PEAK1: variants seen among roughly 807,000 people sequenced by gnomAD.
PEAK1 encodes inactive tyrosine-protein kinase PEAK1.
A neutral mutation model predicts 124.7 loss-of-function variants in PEAK1; 54 were observed. The ratio of observed to expected loss-of-function variants is 0.43; its 90% CI spans 0.35 to 0.54. PEAK1 has a LOEUF of 0.54. Ranked by LOEUF, PEAK1 falls within the 20% of genes least tolerant of loss-of-function variation. The probability of loss-of-function intolerance (pLI) is 0.01; values close to 1 mark genes in which losing one functional copy is unlikely to be tolerated. For missense variants in PEAK1, 2,046 were observed against 2,134.5 expected (o/e 0.96, Z 0.82); for synonymous variants, 719 against 760.0 (o/e 0.95, Z 0.89).
chr15:77,129,735 C>A (rs1043888517), intron 9 of PEAK1, among the ~76,000 whole-genome samples: 1 of 152,074 alleles, frequency 6.6e-6, no homozygotes, highest in Admixed American at 6.6e-5. Flanking sequence ...CGTGAGCCAC[C>A]ACGCCCAGTC....
At chr15:77,278,802 C>T in intron 5 of PEAK1, 1 of 321,678 alleles carries the variant, frequency 3.1e-6, no homozygotes, top group South Asian at 3.0e-5. Flanking sequence ...CTATTTTTAT[C>T]AAGTTTTATA....
In PEAK1 at chr15:77,133,091, T is replaced by A; in HGVS notation, c.3991A>T (p.Ser1331Cys). The part of the protein sequence containing the change: ...VDSWSDFRLT[S>C]DKPCCEAGDA... ...CCTGCCTCACAACATGGTTTGTCACTGGTTAGCCTGAAGTCTGACCAGCTG... is the reference window on the plus strand; with the variant it reads ...CCTGCCTCACAACATGGTTTGTCACAGGTTAGCCTGAAGTCTGACCAGCTG... The change falls in exon 9 of 10, where the codon AGT becomes TGT. Residue 1331 changes from serine to cysteine, a missense_variant. Coordinates refer to ENST00000682557, the MANE Select transcript of PEAK1 (RefSeq NM_001385026.1). This position sits in a 1 kb window ranked among gnomAD's most constrained non-coding sequence, Gnocchi z 4.2. 1 of 1,614,234 alleles carries A rather than the reference T, an allele frequency of 6.2e-7. No homozygotes were observed. The highest frequency in any genetic ancestry group is 8.5e-7 in the Non-Finnish European group (1 of 1,180,038).
At chr15:77,220,323 C>T (rs747662756) in intron 6 of PEAK1, among the ~76,000 whole-genome samples, 1 of 151,856 alleles carries the variant, frequency 6.6e-6, no homozygotes, top group Non-Finnish European at 1.5e-5. Flanking sequence ...AGCTTCAAGG[C>T]ATTTCAGAAA....
At chr15:77,196,243 G>A (rs756382659) in intron 6 of PEAK1, among the ~76,000 whole-genome samples, 31 of 152,134 alleles carry the variant, frequency 2.0e-4, no homozygotes, top group Non-Finnish European at 3.4e-4. Context: ...TAGTGCAAAT[G>A]GCAATCCTGC....
At chr15:77,239,560 T>C (rs75701458) in intron 6 of PEAK1, among the ~76,000 whole-genome samples, 1,568 of 152,318 alleles carry the variant, frequency 0.01, 32 homozygotes, top group African/African-American at 0.036. Context: ...AAACAGCATA[T>C]GCTTATTAAA....
At chr15:77,123,062 C>T (rs1369019350) in intron 9 of PEAK1, among the ~76,000 whole-genome samples, 1 of 152,124 alleles carries the variant, frequency 6.6e-6, no homozygotes. Context: ...CTGGCATAGC[C>T]GGAAGAAAGG....
chr15:77,363,381 C>T (rs2068023601), intron 2 of PEAK1, among the ~76,000 whole-genome samples: 1 of 152,144 alleles, frequency 6.6e-6, no homozygotes, highest in Non-Finnish European at 1.5e-5. Flanking sequence ...TTAACTGAGG[C>T]CTTTCCTTAG....
At chr15:77,241,340 T>G (rs934383697) in intron 6 of PEAK1, among the ~76,000 whole-genome samples, 5 of 151,954 alleles carry the variant, frequency 3.3e-5, no homozygotes, top group African/African-American at 1.2e-4. Flanking sequence ...TCAACATAAT[T>G]AAAGGGCACC....
chr15:77,120,050 G>A (rs2051767359), intron 9 of PEAK1, among the ~76,000 whole-genome samples: 1 of 152,182 alleles, frequency 6.6e-6, no homozygotes, highest in Non-Finnish European at 1.5e-5. Context: ...GGGATAGGGG[G>A]AAAGGTGGAC....
intron 2 of PEAK1, chr15:77,335,073 C>T (rs2066114749): frequency 1.0e-6 from 1 of 985,276 alleles, no homozygotes; most frequent in South Asian, 4.7e-5. Flanking sequence ...TAGGGAGGTG[C>T]TATAAGCAAA....
At chr15:77,377,799 T>C (rs909579037) in intron 1 of PEAK1, among the ~76,000 whole-genome samples, 2 of 152,174 alleles carry the variant, frequency 1.3e-5, no homozygotes, top group Non-Finnish European at 2.9e-5. Flanking sequence ...GTGGTCCTCG[T>C]TGACCAAAAC....
rs1358812182 is a variant in PEAK1 at position 77,265,816 on chromosome 15, T to C, written c.-274-13290A>G. ...AAAGACACATGCACACGTATGTTTA[T>C]TGTGGCACTATTCACAATAGCAAAG... is the stretch of plus-strand genomic sequence containing the variant. On this transcript the variant is annotated intron_variant, in intron 5 of 9. Transcript: ENST00000682557. Among the ~76,000 whole-genome samples the C allele has an allele frequency of 2.0e-5, 3 of 152,108 alleles. No individual in the cohort carries two copies. In the South Asian group the frequency reaches 6.2e-4, roughly 32 times the overall value.
At chr15:77,377,755 C>T (rs1416763448) in intron 1 of PEAK1, among the ~76,000 whole-genome samples, 5 of 152,172 alleles carry the variant, frequency 3.3e-5, no homozygotes, top group African/African-American at 1.2e-4. Context: ...CAGGCGTGAG[C>T]CACCATGCCA....
chr15:77,361,532 C>T (rs2067886146), intron 2 of PEAK1, among the ~76,000 whole-genome samples: 1 of 152,146 alleles, frequency 6.6e-6, no homozygotes. Context: ...GGTATCATCT[C>T]ACCCCAATTA....
intron 5 of PEAK1, among the ~76,000 whole-genome samples, chr15:77,263,790 G>C (rs2061567253): frequency 6.6e-6 from 1 of 152,110 alleles, no homozygotes; most frequent in Non-Finnish European, 1.5e-5. Flanking sequence ...AAGCCTGGCA[G>C]AGACACAACA....
intron 2 of PEAK1, among the ~76,000 whole-genome samples, chr15:77,325,059 G>C (rs2065479146): frequency 6.6e-6 from 1 of 152,168 alleles, no homozygotes; most frequent in African/African-American, 2.4e-5. Context: ...CCCAAGTAGA[G>C]TGAAATATAA....
At chr15:77,158,320 G>A in intron 8 of PEAK1, 183 bp downstream of exon 8, 3 of 597,220 alleles carry the variant, frequency 5.0e-6, no homozygotes, top group Non-Finnish European at 8.9e-6. Context: ...ATGGGTGCAG[G>A]TGTTTAATAC....
chr15:77,146,867 C>T (rs562992779), intron 8 of PEAK1, among the ~76,000 whole-genome samples: 1 of 152,204 alleles, frequency 6.6e-6, no homozygotes, highest in South Asian at 2.1e-4. Context: ...TTTATAACAA[C>T]ATTATTCTAT....
intron 6 of PEAK1, among the ~76,000 whole-genome samples, chr15:77,194,568 C>T (rs1207365120): frequency 6.6e-6 from 1 of 152,188 alleles, no homozygotes; most frequent in East Asian, 1.9e-4. Context: ...TTAGAATTAA[C>T]TGCTCCCTTC....
Sources: gnomAD v4.1 joint callset for allele counts (sites outside exome capture counted in the v4.1 genomes callset) on GRCh38, gnomAD v4.1.1 for gene constraint, Gnocchi (gnomAD v3.1) non-coding constraint, MANE v1.5 for transcripts, NCBI Gene and HGNC (gene_info 2026-07-23, HGNC 2026-07-21) for gene names.